The following SMC3 variants were observed in gnomAD, a reference collection of about 807,000 sequenced individuals.
SMC3 encodes structural maintenance of chromosomes protein 3.
Under a neutral mutation model 171.8 loss-of-function variants are expected in SMC3, and 20 were observed. That is an observed-to-expected ratio of 0.12 (90% CI 0.08 to 0.17). SMC3 has a LOEUF of 0.17. Ranked by LOEUF, SMC3 falls within the 10% of genes least tolerant of loss-of-function variation. SMC3 has a pLI of 1.00. For synonymous variants in SMC3, 464 were observed against 451.1 expected, an observed-to-expected ratio of 1.03 and a Z score of -0.36; for missense variants, 543 against 1,420.4, an observed-to-expected ratio of 0.38 and a Z score of 9.93.
intron 16 of SMC3, 46 bp downstream of exon 16, chr10:110,590,618 A>C (rs1232472096): frequency 1.9e-6 from 3 of 1,542,626 alleles, no homozygotes; most frequent in Non-Finnish European, 2.7e-6. Context: ...AGAGGGAATA[A>C]GAATAGCTTA....
At chr10:110,573,487 A>G (rs1172238008) in intron 2 of SMC3, among the ~76,000 whole-genome samples, 1 of 152,148 alleles carries the variant, frequency 6.6e-6, no homozygotes, top group Non-Finnish European at 1.5e-5. Context: ...CAACTGTGAA[A>G]TATCTTTAAA....
intron 23 of SMC3, 51 bp downstream of exon 23, chr10:110,601,181 G>A (rs1590570444): frequency 1.6e-6 from 2 of 1,253,080 alleles, no homozygotes; most frequent in Middle Eastern, 1.9e-4. Flanking sequence ...TTATAAAATT[G>A]TTTACTACAG....
At chr10:110,585,018 CTT>C (rs573235744) in intron 13 of SMC3, among the ~76,000 whole-genome samples, 1 of 147,824 alleles carries the variant, frequency 6.8e-6, no homozygotes, top group East Asian at 2.0e-4. Context: ...TTGTTGGTAA[CTT>C]TTTTTTTTTG....
chr10:110,577,944 T>C (rs7914351), intron 6 of SMC3, 30 bp downstream of exon 6: 13 of 1,441,542 alleles, frequency 9.0e-6, no homozygotes, highest in Middle Eastern at 1.7e-4. Flanking sequence ...TTAAAAAAAC[T>C]GAATATGTAC....
At position 110,567,799 on chromosome 10, in the gene SMC3, G is replaced by A. The variant is rs1334810883; in HGVS notation, c.-18G>A. 1 of 1,613,490 alleles carries A rather than the reference G, an allele frequency of 6.2e-7. No individual in the cohort carries two copies. Among genetic ancestry groups the A allele is most frequent in the East Asian group, 2.2e-5 (1 of 44,860 alleles). On this transcript the variant is annotated 5_prime_UTR_variant, in exon 1 of 29. Transcript: ENST00000361804. Reference sequence around the variant, plus strand: ...CTGCTCCGGGGCAGGTCTCCTTCCAGGCCAGGGGCCCGGAATCATGTACAT... The same window carrying A: ...CTGCTCCGGGGCAGGTCTCCTTCCAAGCCAGGGGCCCGGAATCATGTACAT...
chr10:110,589,776 T>TA, intron 14 of SMC3, 68 bp downstream of exon 14: 1 of 1,431,816 alleles, frequency 7.0e-7, no homozygotes, highest in Non-Finnish European at 9.8e-7. Context: ...ATGTGGTCTT[T>TA]AAGTTACAAG....
At position 110,594,321 on chromosome 10, in the gene SMC3, A is replaced by C. The variant is rs10787254; in HGVS notation, c.1963+1098A>C. On this transcript the variant is annotated intron_variant, in intron 18 of 28. Transcript: ENST00000361804. ...ATTGTATTCGCATGGTTATTATTTT[A>C]AAAAATATTATATAATTATTTAATG... 7.9e-5 allele frequency among the ~76,000 whole-genome samples: 12 copies of C among 151,816 alleles called. No individual in the cohort carries two copies. The South Asian group carries it at 2.3e-3, about 29-fold the overall frequency.
At chr10:110,577,395 A>G (rs1183344451) in intron 4 of SMC3, 26 bp from the exon 5 acceptor site, 3 of 1,568,798 alleles carry the variant, frequency 1.9e-6, no homozygotes, top group Non-Finnish European at 2.6e-6. Context: ...CTTAAATGGC[A>G]AATTTCTCAC....
At chr10:110,579,081 A>G (rs1860995364) in intron 7 of SMC3, among the ~76,000 whole-genome samples, 1 of 152,244 alleles carries the variant, frequency 6.6e-6, no homozygotes, top group Non-Finnish European at 1.5e-5. Context: ...AAAAGCTAAC[A>G]TTACCAGAAA....
chr10:110,600,996 A>G, intron 22 of SMC3, 26 bp from the exon 23 acceptor site: 3 of 1,543,428 alleles, frequency 1.9e-6, no homozygotes, highest in Non-Finnish European at 2.7e-6. Flanking sequence ...ATTTGAAACT[A>G]ATGGAATTTG....
At chr10:110,580,874 A>G (rs753428199) in intron 7 of SMC3, 30 bp from the exon 8 acceptor site, 6 of 1,139,596 alleles carry the variant, frequency 5.3e-6, no homozygotes, top group South Asian at 3.7e-5. Flanking sequence ...GGCTACAGCT[A>G]TGTAATGATT....
chr10:110,582,718 G>T, intron 10 of SMC3, 76 bp downstream of exon 10: 1 of 1,095,430 alleles, frequency 9.1e-7, no homozygotes, highest in Non-Finnish European at 1.4e-6. Context: ...ATCCAGGCTG[G>T]AGTACAGTGG....
At chr10:110,599,080 C>T (rs1205729518) in intron 20 of SMC3, among the ~76,000 whole-genome samples, 1 of 151,792 alleles carries the variant, frequency 6.6e-6, no homozygotes, top group African/African-American at 2.4e-5. Context: ...GTTGTACCAT[C>T]CCAACCATAT....
intron 19 of SMC3, among the ~76,000 whole-genome samples, chr10:110,597,331 A>C (rs1394019213): frequency 6.6e-6 from 1 of 151,876 alleles, no homozygotes; most frequent in African/African-American, 2.4e-5. Context: ...TTCACAAATG[A>C]AACAATTGTA....
Position 110,583,393 on chromosome 10 carries a change from C to T in SMC3, c.814C>T (p.Arg272Cys), listed in dbSNP as rs1590556318. 16 of 1,612,970 alleles carry T rather than the reference C, an allele frequency of 9.9e-6. No individual in the cohort carries two copies. The highest frequency in any genetic ancestry group is 3.3e-5 in the Admixed American group (2 of 60,000). Residue 272 changes from arginine (R) to cysteine (C), a missense_variant, in exon 11 of 29, where the codon CGC (arginine) becomes TGC (cysteine). Arg to Cys is a radical substitution (Grantham distance 180). Coordinates refer to ENST00000361804, the MANE Select transcript of SMC3 (RefSeq NM_005445.4). ...DARDKMEDIE[R>C]QVRELKTKIS... Reference sequence around the variant, plus strand: ...TAATACTTTTGAATAGGATATCGAACGCCAAGTTAGAGAATTGAAAACAAA... The same window carrying T: ...TAATACTTTTGAATAGGATATCGAATGCCAAGTTAGAGAATTGAAAACAAA...
chr10:110,596,279 T>G (rs1861299094), intron 18 of SMC3, 119 bp from the exon 19 acceptor site: 1 of 966,472 alleles, frequency 1.0e-6, no homozygotes, highest in Admixed American at 3.0e-5. Flanking sequence ...CAGGGTGGTT[T>G]AAATTACTTT....
intron 27 of SMC3, 24 bp downstream of exon 27, chr10:110,603,026 T>C (rs370430478): frequency 6.2e-7 from 1 of 1,613,072 alleles, no homozygotes; most frequent in African/African-American, 1.3e-5. Flanking sequence ...ACAGTTTTGG[T>C]TTTGTATTTA....
intron 2 of SMC3, 102 bp downstream of exon 2, chr10:110,569,115 A>G: frequency 1.3e-6 from 1 of 767,136 alleles, no homozygotes; most frequent in Non-Finnish European, 2.3e-6. Context: ...TTGTCTTTGA[A>G]TATTAAGTTA....
intron 17 of SMC3, among the ~76,000 whole-genome samples, chr10:110,591,432 G>T (rs1215968665): frequency 6.6e-6 from 1 of 152,172 alleles, no homozygotes; most frequent in Non-Finnish European, 1.5e-5. Flanking sequence ...TTGCAAATGT[G>T]CAGTGTTAAA....
Sources: allele counts gnomAD v4.1 joint callset (sites outside exome capture counted in the v4.1 genomes callset), GRCh38; gene constraint gnomAD v4.1.1; transcripts MANE v1.5; gene names NCBI Gene and HGNC (gene_info 2026-07-23, HGNC 2026-07-21).